The following CLMN variants were observed in gnomAD, a reference collection of about 807,000 sequenced individuals.
CLMN encodes the protein calmin (calponin-like, transmembrane).
In CLMN, 57 loss-of-function variants were observed where a neutral mutation model predicts 92.7. The observed-to-expected ratio is 0.61, with a 90% CI of 0.50 to 0.77. CLMN has a LOEUF of 0.77. Among genes scored for constraint, CLMN ranks in the 30% least tolerant of loss-of-function variants. The probability of loss-of-function intolerance (pLI) is 0.00; values close to 1 mark genes in which losing one functional copy is unlikely to be tolerated. For synonymous variants in CLMN, 466 were observed against 470.6 expected (o/e 0.99, Z 0.13); for missense variants, 1,158 against 1,237.5 (o/e 0.94, Z 0.96).
rs117170761 is a variant in CLMN at position 95,252,834 on chromosome 14, G to T, written c.83-22701C>A. Among the ~76,000 whole-genome samples, 283 of 152,288 alleles carry T rather than the reference G, an allele frequency of 1.9e-3. 1 individual carries two copies. Among genetic ancestry groups the T allele is most frequent in the Middle Eastern group, 3.4e-3 (1 of 294 alleles). On this transcript the variant is annotated intron_variant, in intron 1 of 12. Coordinates refer to ENST00000298912, the MANE Select transcript of CLMN (RefSeq NM_024734.4). ...TGCTGTCACGTGTGATGCCGGGAGG[G>T]TAAAGCATCCTGCCCCCATGGGGAG...
intron 1 of CLMN, among the ~76,000 whole-genome samples, chr14:95,242,091 C>T (rs565483073): frequency 7.2e-5 from 11 of 151,848 alleles, no homozygotes; most frequent in Admixed American, 5.2e-4. Flanking sequence ...TTAAAAAACC[C>T]ACTTGGATTA....
rs1264374319 is a variant in CLMN, at chr14:95,259,249, C to T, written c.83-29116G>A. ...TCCTAGTGTCAGAGGTATAGACAAC[C>T]ACTGCTCTTCCCCAATGTCAGTGGG... On this transcript the variant is annotated intron_variant, in intron 1 of 12. Coordinates refer to ENST00000298912, the MANE Select transcript of CLMN (RefSeq NM_024734.4). The surrounding 1 kb of genome is among the most constrained non-coding windows in gnomAD (Gnocchi z 4.3). Among the ~76,000 whole-genome samples, 3 of 152,010 alleles carry T rather than the reference C, an allele frequency of 2.0e-5. No homozygotes were observed. The highest frequency in any genetic ancestry group is 7.3e-5 in the African/African-American group (3 of 41,346).
Position 95,204,188 on chromosome 14 carries a change from G to C in CLMN, c.1161C>G (p.Val387=), listed in dbSNP as rs769121589. 1 of 1,614,008 alleles carries C rather than the reference G, an allele frequency of 6.2e-7. No homozygotes were observed. Among genetic ancestry groups the C allele is most frequent in the Non-Finnish European group, 8.5e-7 (1 of 1,180,040 alleles). Residue 387 remains valine (V), a synonymous_variant, in exon 9 of 13, where the codon GTC becomes GTG. Coordinates refer to ENST00000298912, the MANE Select transcript of CLMN (RefSeq NM_024734.4). The stretch of plus-strand genomic sequence containing the variant: ...TGGTCTTACCTGGGCCCCCTTGCAG[G>C]ACCTGGTCAATAATCTGGTGCATGA... ...TEFMHQIIDQ[V]LQGGPGKTSD... is the part of the protein sequence containing the mutation.
intron 1 of CLMN, among the ~76,000 whole-genome samples, chr14:95,281,943 C>T (rs1900158671): frequency 6.6e-6 from 1 of 152,172 alleles, no homozygotes; most frequent in Non-Finnish European, 1.5e-5. Context: ...TAGGGGCGGG[C>T]TCCACCACCC....
At position 95,294,732 on chromosome 14, in the gene CLMN, G is replaced by A. The variant is rs1442522760; in HGVS notation, c.82+24979C>T. Among the ~76,000 whole-genome samples the A allele has an allele frequency of 1.3e-5, 2 of 152,224 alleles. No homozygotes were observed. Among genetic ancestry groups the A allele is most frequent in the South Asian group, 2.1e-4 (1 of 4,830 alleles). ...GTGTCCTGGGGGCAGGTCCTCCACA[G>A]GTTGTGTCACTGGGCACCTGGTCTT... On this transcript the variant is annotated intron_variant, in intron 1 of 12. Coordinates refer to ENST00000298912, the MANE Select transcript of CLMN (RefSeq NM_024734.4). This position sits in a 1 kb window ranked among gnomAD's most constrained non-coding sequence, Gnocchi z 4.2.
chr14:95,238,371 C>T (rs1011073757), intron 1 of CLMN, among the ~76,000 whole-genome samples: 4 of 152,218 alleles, frequency 2.6e-5, no homozygotes, highest in African/African-American at 7.2e-5. Flanking sequence ...CCTTCGGTTC[C>T]GACTCTTTGG....
In CLMN at chr14:95,185,891, C is replaced by T. The variant is rs1358736921; in HGVS notation, c.*5673G>A. ...ATACAACTGCCTTCCAATGGCATGA[C>T]CACGGAAGGAGAACAGCTCCTCACC... is the stretch of plus-strand genomic sequence containing the variant. On this transcript the variant is annotated 3_prime_UTR_variant, in exon 13 of 13. Transcript: ENST00000298912. 1 of 152,186 alleles carries T rather than the reference C, an allele frequency of 6.6e-6. No individual in the cohort carries two copies. The highest frequency in any genetic ancestry group is 1.5e-5 in the Non-Finnish European group (1 of 68,040). 9.4% of individuals were successfully genotyped at this position (152,186 alleles called of 1,614,324 possible). A position where few individuals can be genotyped will look rare whatever the true frequency, so the allele number is the denominator to read the frequency against.
At chr14:95,319,323 A>ACC (rs1284055763) in intron 1 of CLMN, among the ~76,000 whole-genome samples, 1 of 151,456 alleles carries the variant, frequency 6.6e-6, no homozygotes, top group African/African-American at 2.4e-5. Context: ...ACACACACAC[A>ACC]CACACACACA....
At chr14:95,296,027 C>A (rs1900796213) in intron 1 of CLMN, 2 of 152,212 alleles carry the variant, frequency 1.3e-5, no homozygotes, top group Non-Finnish European at 1.5e-5. Context: ...AGGCACTATT[C>A]CCTCTGGAGG....
intron 8 of CLMN, among the ~76,000 whole-genome samples, chr14:95,207,734 C>T (rs1897084860): frequency 6.6e-6 from 1 of 152,222 alleles, no homozygotes; most frequent in Admixed American, 6.5e-5. Flanking sequence ...CCAGGAATTC[C>T]TGCTTCCACA....
chr14:95,281,475 T>C (rs878862053), intron 1 of CLMN, among the ~76,000 whole-genome samples: 2 of 152,228 alleles, frequency 1.3e-5, no homozygotes, highest in African/African-American at 2.4e-5. Flanking sequence ...ACACCTGTTA[T>C]TAGATTCTAG....
chr14:95,290,337 G>A (rs949542431), intron 1 of CLMN, among the ~76,000 whole-genome samples: 1 of 152,238 alleles, frequency 6.6e-6, no homozygotes, highest in Non-Finnish European at 1.5e-5. Context: ...CCTTTATGTG[G>A]CAAAAACAGA....
At position 95,194,662 on chromosome 14, in the gene CLMN, C is replaced by T; in HGVS notation, c.2709-66G>A. On this transcript the variant is annotated intron_variant, in intron 10 of 12. Transcript: ENST00000298912. This position sits in a 1 kb window ranked among gnomAD's most constrained non-coding sequence, Gnocchi z 4.0. ...GCTCTTCATGGCTCAGTTGTACGGTCACCCCCATCCTGGGGTTTCCACGTA... is the reference window on the plus strand; with the variant it reads ...GCTCTTCATGGCTCAGTTGTACGGTTACCCCCATCCTGGGGTTTCCACGTA... The T allele has an allele frequency of 6.7e-7, 1 of 1,484,894 alleles. No individual in the cohort carries two copies. 92.0% of individuals were successfully genotyped at this position (1,484,894 alleles called of 1,614,324 possible).
At chr14:95,309,307 A>G (rs933789867) in intron 1 of CLMN, among the ~76,000 whole-genome samples, 1 of 152,202 alleles carries the variant, frequency 6.6e-6, no homozygotes, top group African/African-American at 2.4e-5. Flanking sequence ...ATCAAGTAGA[A>G]GATTGTTTAC....
intron 1 of CLMN, among the ~76,000 whole-genome samples, chr14:95,261,004 T>C (rs1899228602): frequency 6.6e-6 from 1 of 151,968 alleles, no homozygotes; most frequent in African/African-American, 2.4e-5. Flanking sequence ...AAGGAGACTT[T>C]ATTGAATATG....
intron 1 of CLMN, among the ~76,000 whole-genome samples, chr14:95,283,728 T>C (rs1443585562): frequency 6.6e-6 from 1 of 152,210 alleles, no homozygotes; most frequent in Non-Finnish European, 1.5e-5. Context: ...TTTAGGTATC[T>C]GGTGGAAGAA....
rs566155976 is a variant in CLMN, at chr14:95,317,529, TAG to T, written c.82+2180_82+2181del. On this transcript the variant is annotated intron_variant, in intron 1 of 12. Coordinates refer to ENST00000298912, the MANE Select transcript of CLMN (RefSeq NM_024734.4). Reference sequence around the variant, plus strand: ...ACAGCGGGGCATCCATACCATGGAATAGTACTCAGCAAGAAAGGAAGTCCAGA... The same window carrying T: ...ACAGCGGGGCATCCATACCATGGAATTACTCAGCAAGAAAGGAAGTCCAGA... Among the ~76,000 whole-genome samples the T allele has an allele frequency of 2.4e-3, 367 of 150,292 alleles. 11 individuals are homozygous for T. Among genetic ancestry groups the T allele is most frequent in the Admixed American group, 0.022 (329 of 15,068 alleles).
At position 95,210,808 on chromosome 14, in the gene CLMN, GC is replaced by G; in HGVS notation, c.679del (p.Ala227ProfsTer9). Reference protein sequence around the residue: ...SGLAFLAVIKAIDPSLVDMKQ... With the variant: ...SGLAFLAVIKXIDPSLVDMKQ... ...CATGTCCACCAGGCTGGGGTCAATG[GC>G]CTTGATCACCGCCAGGAAAGCCAGC... On this transcript the variant is annotated frameshift_variant, in exon 7 of 13. Coordinates refer to ENST00000298912, the MANE Select transcript of CLMN (RefSeq NM_024734.4). LOFTEE classifies it high-confidence loss of function. 1 of 1,588,670 alleles carries G rather than the reference GC, an allele frequency of 6.3e-7. No homozygotes were observed. Among genetic ancestry groups the G allele is most frequent in the Non-Finnish European group, 8.5e-7 (1 of 1,171,576 alleles).
chr14:95,215,603 G>T, intron 5 of CLMN, 38 bp downstream of exon 5: 3 of 1,549,774 alleles, frequency 1.9e-6, no homozygotes, highest in Non-Finnish European at 2.7e-6. Flanking sequence ...GCAGACACAA[G>T]ATCATGATTG....
Sources: allele counts gnomAD v4.1 joint callset (sites outside exome capture counted in the v4.1 genomes callset), GRCh38; gene constraint gnomAD v4.1.1; non-coding constraint Gnocchi (gnomAD v3.1); transcripts MANE v1.5; gene names NCBI Gene and HGNC (gene_info 2026-07-23, HGNC 2026-07-21).